Variants in RCAN2 observed in about 807,000 individuals in gnomAD.
RCAN2 encodes the protein calcipressin-2.
In RCAN2, 9 loss-of-function variants were observed where a neutral mutation model predicts 23.6. The ratio of observed to expected loss-of-function variants is 0.38; its 90% CI spans 0.23 to 0.67. The LOEUF is 0.67. Among genes scored for constraint, RCAN2 ranks in the 30% least tolerant of loss-of-function variants. The pLI is 0.51. For missense variants in RCAN2, 273 were observed against 302.3 expected (o/e 0.90, Z 0.72); for synonymous variants, 109 against 115.7 (o/e 0.94, Z 0.37).
intron 2 of RCAN2, among the ~76,000 whole-genome samples, chr6:46,392,917 C>T (rs1765977175): frequency 6.6e-6 from 1 of 152,100 alleles, no homozygotes; most frequent in Non-Finnish European, 1.5e-5. Flanking sequence ...CCAACATAAG[C>T]TTGCCAAATT....
At chr6:46,440,763 A>G (rs1428969779) in intron 2 of RCAN2, among the ~76,000 whole-genome samples, 1 of 152,164 alleles carries the variant, frequency 6.6e-6, no homozygotes, top group Non-Finnish European at 1.5e-5. Flanking sequence ...CATAGTGAGA[A>G]AAAAATACCA....
At chr6:46,446,296 G>C (rs1364699871) in intron 2 of RCAN2, among the ~76,000 whole-genome samples, 1 of 147,792 alleles carries the variant, frequency 6.8e-6, no homozygotes, top group South Asian at 2.1e-4. Flanking sequence ...GAGGCAGGGT[G>C]TGTGTGTGGG....
At chr6:46,490,026 G>A (rs1324264293) in intron 1 of RCAN2, among the ~76,000 whole-genome samples, 1 of 152,196 alleles carries the variant, frequency 6.6e-6, no homozygotes, top group African/African-American at 2.4e-5. Flanking sequence ...TGTGCCCCCA[G>A]AATGCAGAGG....
chr6:46,441,771 G>A (rs147126476), intron 2 of RCAN2, among the ~76,000 whole-genome samples: 46 of 152,114 alleles, frequency 3.0e-4, no homozygotes, highest in African/African-American at 1.0e-3. Context: ...AACTACACAT[G>A]TTCTGTTTCT....
At chr6:46,429,250 T>C (rs180789227) in intron 2 of RCAN2, among the ~76,000 whole-genome samples, 16 of 152,282 alleles carry the variant, frequency 1.1e-4, no homozygotes, top group African/African-American at 3.8e-4. Context: ...AATAGAATTG[T>C]ATAAACACTT....
chr6:46,392,674 G>A (rs1328905087), intron 2 of RCAN2, among the ~76,000 whole-genome samples: 2 of 152,082 alleles, frequency 1.3e-5, no homozygotes, highest in Non-Finnish European at 2.9e-5. Context: ...TATTTGTTGT[G>A]CCATGAGTTA....
chr6:46,364,793 C>G (rs192054862), intron 2 of RCAN2, among the ~76,000 whole-genome samples: 1 of 152,326 alleles, frequency 6.6e-6, no homozygotes, highest in East Asian at 1.9e-4. Flanking sequence ...CCCACATTCC[C>G]TGGAGTCCTT....
chr6:46,349,830 T>A (rs533093262), intron 2 of RCAN2, among the ~76,000 whole-genome samples: 1 of 152,270 alleles, frequency 6.6e-6, no homozygotes, highest in Non-Finnish European at 1.5e-5. Flanking sequence ...TCTAATACAG[T>A]CTAATTCCAC....
chr6:46,312,149 A>G (rs1474478370), intron 2 of RCAN2, among the ~76,000 whole-genome samples: 1 of 152,176 alleles, frequency 6.6e-6, no homozygotes, highest in Non-Finnish European at 1.5e-5. Context: ...CATGGGTTAC[A>G]TGCCATGCTA....
chr6:46,467,998 T>A (rs185234435), intron 1 of RCAN2, among the ~76,000 whole-genome samples: 1 of 152,324 alleles, frequency 6.6e-6, no homozygotes, highest in East Asian at 1.9e-4. Context: ...CTTTGTGATT[T>A]TCTGCAAGTT....
intron 2 of RCAN2, among the ~76,000 whole-genome samples, chr6:46,444,735 G>T (rs1219599650): frequency 6.6e-6 from 1 of 152,118 alleles, no homozygotes; most frequent in Non-Finnish European, 1.5e-5. Flanking sequence ...GCCTGCTCCA[G>T]CAGACCCAGG....
rs1019505669 is a variant in RCAN2, at chr6:46,331,301, G to A, written c.226-82405C>T. ...ACTGGGATTACAGGCTTGAGACACTGCACTCAGTTTTTTTTTTTCATGATT... is the reference window on the plus strand; with the variant it reads ...ACTGGGATTACAGGCTTGAGACACTACACTCAGTTTTTTTTTTTCATGATT... On this transcript the variant is annotated intron_variant, in intron 2 of 4. Coordinates refer to ENST00000371374, the MANE Select transcript of RCAN2 (RefSeq NM_001251974.2). Among the ~76,000 whole-genome samples, 8 of 151,612 alleles carry A rather than the reference G, an allele frequency of 5.3e-5. No homozygotes were observed. In the South Asian group the frequency reaches 1.2e-3, roughly 24 times the overall value.
chr6:46,491,469 G>A (rs929648104), upstream of RCAN2: 1 of 152,224 alleles, frequency 6.6e-6, no homozygotes, highest in African/African-American at 2.4e-5. Flanking sequence ...CTGAGCCGGC[G>A]GCTCTCGCAG....
intron 2 of RCAN2, among the ~76,000 whole-genome samples, chr6:46,331,454 T>C (rs551099101): frequency 1.8e-4 from 27 of 152,352 alleles, no homozygotes; most frequent in Admixed American, 4.6e-4. Context: ...CTACAATACA[T>C]TGAGGTTTAA....
rs140213085 is a variant in RCAN2 at position 46,408,417 on chromosome 6, T to A, written c.225+48335A>T. ...TGCCGGGGACTAACTAGCTGAGCAC[T>A]TTAGCCTGACTTCTCTATATTGCAA... On this transcript the variant is annotated intron_variant, in intron 2 of 4. Transcript: ENST00000371374. Among the ~76,000 whole-genome samples the A allele has an allele frequency of 5.0e-4, 76 of 152,318 alleles. No individual in the cohort carries two copies. In the East Asian group the frequency reaches 0.014, roughly 29 times the overall value.
chr6:46,325,694 G>T, intron 2 of RCAN2: 2 of 1,359,092 alleles, frequency 1.5e-6, no homozygotes, highest in Non-Finnish European at 1.9e-6. Context: ...CTCGCTCATG[G>T]CAATGACATC....
intron 2 of RCAN2, among the ~76,000 whole-genome samples, chr6:46,449,642 A>C (rs371693351): frequency 7.2e-5 from 11 of 152,048 alleles, no homozygotes; most frequent in Admixed American, 2.0e-4. Flanking sequence ...CCAATGGAAC[A>C]GAATAGAAAG....
chr6:46,460,995 C>G (rs546123127), intron 1 of RCAN2, among the ~76,000 whole-genome samples: 1 of 152,124 alleles, frequency 6.6e-6, no homozygotes, highest in Admixed American at 6.5e-5. Context: ...ATTCCTCTAG[C>G]TAAAATTTAA....
intron 2 of RCAN2, among the ~76,000 whole-genome samples, chr6:46,299,717 G>T (rs1442218): frequency 0.72 from 109,464 of 151,848 alleles, 40,889 homozygotes; most frequent in Non-Finnish European, 0.83. Flanking sequence ...TTCTCATCTG[G>T]AAGATGAAGA....
Sources: gnomAD v4.1 joint callset for allele counts (sites outside exome capture counted in the v4.1 genomes callset) on GRCh38, gnomAD v4.1.1 for gene constraint, MANE v1.5 for transcripts, NCBI Gene and HGNC (gene_info 2026-07-23, HGNC 2026-07-21) for gene names.